Variants in ITIH4 observed in about 807,000 individuals in gnomAD.
The protein encoded by ITIH4 is inter-alpha-trypsin inhibitor heavy chain H4.
In ITIH4, 79 loss-of-function variants were observed where a neutral mutation model predicts 111.8. The ratio of observed to expected loss-of-function variants is 0.71; its 90% CI spans 0.59 to 0.85. The LOEUF (loss-of-function observed/expected upper bound fraction) is 0.85, where lower values mean the gene tolerates loss of function less well. Ranked by LOEUF, ITIH4 falls within the 40% of genes least tolerant of loss-of-function variation. The pLI is 0.00. For missense variants in ITIH4, 1,065 were observed against 1,195.8 expected, an observed-to-expected ratio of 0.89 and a Z score of 1.61; for synonymous variants, 472 against 468.3, an observed-to-expected ratio of 1.01 and a Z score of -0.10.
rs1007664736 is a variant in ITIH4 at position 52,827,020 on chromosome 3, C to A, written c.357-67G>T. 22 of 1,611,972 alleles carry A rather than the reference C, an allele frequency of 1.4e-5. No individual in the cohort carries two copies. In the Admixed American group the frequency reaches 3.7e-4, roughly 27 times the overall value. On this transcript the variant is annotated intron_variant, in intron 3 of 23. Coordinates refer to ENST00000266041, the MANE Select transcript of ITIH4 (RefSeq NM_002218.5). Reference sequence around the variant, plus strand: ...GGGGTAAGGCTGGTAGAGGTGGGAGCAGGACTAAGGGCCAAAGGCAAGGTG... The same window carrying A: ...GGGGTAAGGCTGGTAGAGGTGGGAGAAGGACTAAGGGCCAAAGGCAAGGTG...
chr3:52,824,483 G>A lies in ITIH4; in HGVS notation c.959C>T (p.Thr320Ile). The change falls in exon 8 of 24, where the codon ACT (threonine) becomes ATT (isoleucine). Residue 320 changes from threonine to isoleucine, a missense_variant. By Grantham distance (89) the Thr-to-Ile change is moderately conservative. Transcript: ENST00000266041. The surrounding 1 kb of genome is among the most constrained non-coding windows in gnomAD (Gnocchi z 4.3). ...FNLIVFSTEA[T>I]QWRPSLVPAS... ...TGGCACCAGTGATGGCCTCCACTGA[G>A]TTGCTTCTGTACTGAAGACGATGAG... The A allele has an allele frequency of 2.5e-6, 4 of 1,614,200 alleles. No individual in the cohort carries two copies. Among genetic ancestry groups the A allele is most frequent in the Non-Finnish European group, 3.4e-6 (4 of 1,180,044 alleles).
chr3:52,820,683 G>C lies in ITIH4; in HGVS notation c.1782C>G (p.Thr594=), dbSNP rs1261384926. 5.6e-6 allele frequency: 9 copies of C among 1,613,936 alleles called. No individual in the cohort carries two copies. Among genetic ancestry groups the C allele is most frequent in the East Asian group, 2.2e-5 (1 of 44,896 alleles). ...FVTPLTSMVV[T]KPDDQEQSQV... ...GAGACTGCTCTTGGTCATCGGGTTT[G>C]GTGACTACCATAGATGTGAGAGGCG... Residue 594 remains threonine (T), a synonymous_variant, in exon 13 of 24, where the codon ACC becomes ACG. Transcript: ENST00000266041.
chr3:52,829,908 A>ATACACATCTGAC, intron 1 of ITIH4: 1 of 186,622 alleles, frequency 5.4e-6, no homozygotes, highest in South Asian at 1.1e-4. Flanking sequence ...GCACTCCCCT[A>ATACACATCTGAC]GCAGGTGCCA....
At chr3:52,826,433 A>T in intron 5 of ITIH4, 108 bp downstream of exon 5, 1 of 807,556 alleles carries the variant, frequency 1.2e-6, no homozygotes. Flanking sequence ...TCCAGGTCAC[A>T]GCTCACAGGA....
chr3:52,822,588 GT>G (rs1700403896), intron 11 of ITIH4, among the ~76,000 whole-genome samples: 2 of 152,146 alleles, frequency 1.3e-5, no homozygotes, highest in Admixed American at 6.5e-5. Context: ...TTATTCCCAT[GT>G]TTACATAGGA....
In ITIH4 at chr3:52,830,206, CTGA is replaced by C. The variant is rs1578784623; in HGVS notation, c.90+344_90+346del. 5 of 376,858 alleles carry C rather than the reference CTGA, an allele frequency of 1.3e-5. No individual in the cohort carries two copies. The East Asian group carries it at 3.4e-4, about 26-fold the overall frequency. The allele number at this position is 376,858 out of a possible 1,614,324, so 23.3% of individuals were successfully genotyped here. On this transcript the variant is annotated intron_variant, in intron 1 of 23. Transcript: ENST00000266041. ...GTTTGGTTTTCACAACCGCCACCCT[CTGA>C]ATAGGTTCTAGTATTACCCTGTTTT...
At chr3:52,822,968 TTG>T (rs953760406) in intron 11 of ITIH4, among the ~76,000 whole-genome samples, 2 of 151,968 alleles carry the variant, frequency 1.3e-5, no homozygotes, top group African/African-American at 4.8e-5. Context: ...TGTAGCTGGT[TTG>T]TGTGGTGATA....
rs768381690 is a variant in ITIH4 at position 52,829,201 on chromosome 3, C to A, written c.169G>T (p.Val57Leu). The A allele has an allele frequency of 1.2e-6, 2 of 1,613,928 alleles. No homozygotes were observed. The highest frequency in any genetic ancestry group is 3.3e-5 in the Admixed American group (2 of 60,016). Residue 57 changes from valine (V) to leucine (L), a missense_variant, in exon 2 of 24, where the codon GTG becomes TTG. Val to Leu is a conservative substitution (Grantham distance 32). Coordinates refer to ENST00000266041, the MANE Select transcript of ITIH4 (RefSeq NM_002218.5). ...TGCACAGTATTGGCCCTATTGACCA[C>A]TCGGCTGGTGACGACCGTGTGGGCA... ...RFAHTVVTSR[V>L]VNRANTVQEA...
At position 52,821,057 on chromosome 3, in the gene ITIH4, T is replaced by C; in HGVS notation, c.1613A>G (p.Tyr538Cys). The C allele has an allele frequency of 1.2e-6, 2 of 1,614,034 alleles. No individual in the cohort carries two copies. Residue 538 changes from tyrosine to cysteine, a missense_variant, in exon 12 of 24, where the codon TAT becomes TGT. Coordinates refer to ENST00000266041, the MANE Select transcript of ITIH4 (RefSeq NM_002218.5). ...CCTCTCCATGAAGTTGTGGAAGATA[T>C]ACTTGGGGCTCTGGAACTCCGCCTC... ...EQEAEFQSPK[Y>C]IFHNFMERLW...
Position 52,829,289 on chromosome 3 carries a change from C to CA in ITIH4, c.91-11dup. On this transcript the variant is annotated splice_polypyrimidine_tract_variant and intron_variant, in intron 1 of 23. Transcript: ENST00000266041. The stretch of plus-strand genomic sequence containing the variant: ...AGATGTCGATGCCATTCTGGACCAG[C>CA]AAAGAAGAAGGGGGTTGCAGGGTTT... The CA allele has an allele frequency of 6.3e-7, 1 of 1,597,440 alleles. No individual in the cohort carries two copies. Among genetic ancestry groups the CA allele is most frequent in the Non-Finnish European group, 8.6e-7 (1 of 1,166,890 alleles).
intron 1 of ITIH4, among the ~76,000 whole-genome samples, chr3:52,829,578 G>A (rs1365618126): frequency 2.0e-5 from 3 of 152,238 alleles, no homozygotes; most frequent in East Asian, 1.9e-4. Flanking sequence ...AAGCATGCAG[G>A]GGGTGGAGCT....
Position 52,824,738 on chromosome 3 carries a change from A to G in ITIH4, c.876+104T>C. On this transcript the variant is annotated intron_variant, in intron 7 of 23. Coordinates refer to ENST00000266041, the MANE Select transcript of ITIH4 (RefSeq NM_002218.5). The surrounding 1 kb of genome is among the most constrained non-coding windows in gnomAD (Gnocchi z 4.3). ...TTGGTTCCTGAGAGCCACCCGCCCC[A>G]TGGTGCCGAAAGGTGAAGCAAGGGG... 1 of 1,246,592 alleles carries G rather than the reference A, an allele frequency of 8.0e-7. No homozygotes were observed. The highest frequency in any genetic ancestry group is 2.0e-5 in the Admixed American group (1 of 48,982). The allele number at this position is 1,246,592 out of a possible 1,614,324, so 77.2% of individuals were successfully genotyped here. A position where few individuals can be genotyped will look rare whatever the true frequency, so the allele number is the denominator to read the frequency against.
chr3:52,824,542 G>A lies in ITIH4; in HGVS notation c.900C>T (p.Ile300=). Reference sequence around the variant, plus strand: ...GGTCTCTGGGGCTGAGGTCATCCAGGATCTTGATTAGGGCTTCCCGGGTCT... The same window carrying A: ...GGTCTCTGGGGCTGAGGTCATCCAGAATCTTGATTAGGGCTTCCCGGGTCT... ...IQQTREALIK[I]LDDLSPRDQF... Residue 300 remains isoleucine, a synonymous_variant, in exon 8 of 24, where the codon ATC becomes ATT. Transcript: ENST00000266041. This position sits in a 1 kb window ranked among gnomAD's most constrained non-coding sequence, Gnocchi z 4.3. 2 of 1,613,384 alleles carry A rather than the reference G, an allele frequency of 1.2e-6. No individual in the cohort carries two copies. The highest frequency in any genetic ancestry group is 1.7e-6 in the Non-Finnish European group (2 of 1,179,906).
chr3:52,823,970 C>A lies in ITIH4; in HGVS notation c.1206G>T (p.Val402=). 6.3e-7 allele frequency: 1 copy of A among 1,584,644 alleles called. No individual in the cohort carries two copies. Among genetic ancestry groups the A allele is most frequent in the Non-Finnish European group, 8.6e-7 (1 of 1,166,460 alleles). Residue 402 remains valine (V), a synonymous_variant, in exon 10 of 24, where the codon GTG becomes GTT. Coordinates refer to ENST00000266041, the MANE Select transcript of ITIH4 (RefSeq NM_002218.5). ...ETNPRSIQNN[V]REAVSGRYSL... is the part of the protein sequence containing the mutation. ...TGTACCGGCCACTTACAGCTTCCCG[C>A]ACGTTATTCTGGATGCTCCTGGGGT... is the stretch of plus-strand genomic sequence containing the variant.
At chr3:52,828,424 G>T (rs996035756) in intron 2 of ITIH4, among the ~76,000 whole-genome samples, 8 of 152,202 alleles carry the variant, frequency 5.3e-5, no homozygotes, top group African/African-American at 1.9e-4. Context: ...GCCACAGTGT[G>T]GGACCCCACA....
In ITIH4 at chr3:52,823,571, T is replaced by A; in HGVS notation, c.1524A>T (p.Thr508=). ...QDRGPDVLTA[T]VSGKLPTQNI... ...CCACACTCACCAGCTTCCCACTGAC[T>A]GTGGCTGTGAGCACATCAGGCCCCC... Residue 508 remains threonine, a synonymous_variant, in exon 11 of 24, where the codon ACA becomes ACT. Transcript: ENST00000266041. 1 of 1,609,668 alleles carries A rather than the reference T, an allele frequency of 6.2e-7. No homozygotes were observed.
At position 52,824,998 on chromosome 3, in the gene ITIH4, C is replaced by T; in HGVS notation, c.760-40G>A. The stretch of plus-strand genomic sequence containing the variant: ...AGACCCACCCAGGCCATCAGAGCTA[C>T]AATTGGCCCTATCCCCATTCAGCCC... On this transcript the variant is annotated intron_variant, in intron 6 of 23. Coordinates refer to ENST00000266041, the MANE Select transcript of ITIH4 (RefSeq NM_002218.5). The surrounding 1 kb of genome is among the most constrained non-coding windows in gnomAD (Gnocchi z 4.3). 1 of 1,405,886 alleles carries T rather than the reference C, an allele frequency of 7.1e-7. No homozygotes were observed. The highest frequency in any genetic ancestry group is 9.9e-7 in the Non-Finnish European group (1 of 1,005,882). The allele number at this position is 1,405,886 out of a possible 1,614,324, so 87.1% of individuals were successfully genotyped here.
At position 52,813,237 on chromosome 3, in the gene ITIH4, G is replaced by C. The variant is rs1316004485; in HGVS notation, c.*184C>G. 1.6e-6 allele frequency: 1 copy of C among 620,528 alleles called. No homozygotes were observed. The highest frequency in any genetic ancestry group is 1.8e-5 in the African/African-American group (1 of 54,058). 38.4% of individuals were successfully genotyped at this position (620,528 alleles called of 1,614,324 possible). A position where few individuals can be genotyped will look rare whatever the true frequency, so the allele number is the denominator to read the frequency against. On this transcript the variant is annotated 3_prime_UTR_variant, in exon 24 of 24. Coordinates refer to ENST00000266041, the MANE Select transcript of ITIH4 (RefSeq NM_002218.5). ...CACGATGCTAAGGTTCAGGATGCGA[G>C]GTTGAGGCCCTAGGATTTGGCCACA...
intron 18 of ITIH4, 41 bp downstream of exon 18, chr3:52,818,421 G>A: frequency 1.3e-6 from 2 of 1,582,122 alleles, no homozygotes; most frequent in Non-Finnish European, 1.7e-6. Flanking sequence ...TCCCCTCCCA[G>A]GATCCCCCTG....
Sources: allele counts gnomAD v4.1 joint callset (sites outside exome capture counted in the v4.1 genomes callset), GRCh38; gene constraint gnomAD v4.1.1; non-coding constraint Gnocchi (gnomAD v3.1); transcripts MANE v1.5; gene names NCBI Gene and HGNC (gene_info 2026-07-23, HGNC 2026-07-21).